The following ARHGAP24 variants were observed in gnomAD, a reference collection of about 807,000 sequenced individuals.
The protein encoded by ARHGAP24 is rho GTPase-activating protein 24.
In ARHGAP24, 50 loss-of-function variants were observed where a neutral mutation model predicts 76.4. The ratio of observed to expected loss-of-function variants is 0.65; its 90% CI spans 0.52 to 0.83. The LOEUF is 0.83. Among genes scored for constraint, ARHGAP24 ranks in the 40% least tolerant of loss-of-function variants. The pLI is 0.00. For synonymous variants in ARHGAP24, 345 were observed against 323.3 expected (o/e 1.07, Z -0.72); for missense variants, 930 against 914.2 (o/e 1.02, Z -0.22).
rs11547776 is a variant in ARHGAP24, at chr4:85,994,770, G to T, written c.1116G>T (p.Arg372Ser). Residue 372 changes from arginine (R) to serine (S), a missense_variant, in exon 9 of 10, where the codon AGG becomes AGT. Coordinates refer to ENST00000395184, the MANE Select transcript of ARHGAP24 (RefSeq NM_001025616.3). ...ATAACACCAAGGACAGCCCTAGTAGGCAGTGCTCCTGGGACAAGTCTGAGT... is the reference window on the plus strand; with the variant it reads ...ATAACACCAAGGACAGCCCTAGTAGTCAGTGCTCCTGGGACAAGTCTGAGT... Reference protein sequence around the residue: ...ENNNTKDSPSRQCSWDKSESP... With the variant: ...ENNNTKDSPSSQCSWDKSESP... 2 of 1,613,872 alleles carry T rather than the reference G, an allele frequency of 1.2e-6. No homozygotes were observed. Among genetic ancestry groups the T allele is most frequent in the South Asian group, 1.1e-5 (1 of 91,070 alleles).
chr4:85,690,974 G>T (rs1316662941), intron 2 of ARHGAP24, among the ~76,000 whole-genome samples: 1 of 152,028 alleles, frequency 6.6e-6, no homozygotes, highest in African/African-American at 2.4e-5. Context: ...TCTTGGTGAA[G>T]GTGTTTGGTG....
At chr4:85,813,508 T>C (rs1729097846) in intron 3 of ARHGAP24, among the ~76,000 whole-genome samples, 1 of 152,174 alleles carries the variant, frequency 6.6e-6, no homozygotes, top group African/African-American at 2.4e-5. Flanking sequence ...GGTGACAGTG[T>C]CCTCAGTTGT....
intron 2 of ARHGAP24, among the ~76,000 whole-genome samples, chr4:85,689,022 G>A (rs1440844330): frequency 1.3e-5 from 2 of 152,052 alleles, no homozygotes; most frequent in East Asian, 3.8e-4. Context: ...GATTGCTTTG[G>A]CTATTTGGGC....
At chr4:85,694,123 G>C (rs1723780760) in intron 2 of ARHGAP24, among the ~76,000 whole-genome samples, 1 of 151,840 alleles carries the variant, frequency 6.6e-6, no homozygotes, top group East Asian at 1.9e-4. Context: ...TCTACTCCTA[G>C]CATTTTCGTT....
At chr4:85,540,627 A>T (rs1011930196) in intron 1 of ARHGAP24, among the ~76,000 whole-genome samples, 1 of 152,120 alleles carries the variant, frequency 6.6e-6, no homozygotes, top group Non-Finnish European at 1.5e-5. Context: ...TGTAACAATC[A>T]CCTTATACAA....
chr4:85,865,323 T>C (rs953288839), intron 3 of ARHGAP24, among the ~76,000 whole-genome samples: 1 of 151,812 alleles, frequency 6.6e-6, no homozygotes, highest in African/African-American at 2.4e-5. Context: ...AATCAATTGT[T>C]CTTGGCTGGC....
intron 3 of ARHGAP24, among the ~76,000 whole-genome samples, chr4:85,912,594 T>C (rs1441317516): frequency 1.3e-5 from 2 of 152,224 alleles, no homozygotes; most frequent in African/African-American, 4.8e-5. Flanking sequence ...CTTTTGTGTA[T>C]ACCCAAACAC....
At chr4:85,818,302 AG>A (rs1208771341) in intron 3 of ARHGAP24, among the ~76,000 whole-genome samples, 2 of 152,204 alleles carry the variant, frequency 1.3e-5, no homozygotes, top group African/African-American at 2.4e-5. Flanking sequence ...GCCCACCTGC[AG>A]GGGGTGAAAT....
intron 3 of ARHGAP24, among the ~76,000 whole-genome samples, chr4:85,777,152 G>A (rs17010863): frequency 0.17 from 26,031 of 152,094 alleles, 3,062 homozygotes; most frequent in East Asian, 0.65. Context: ...CATTAGAAAA[G>A]TGCTATCATA....
intron 1 of ARHGAP24, among the ~76,000 whole-genome samples, chr4:85,548,053 C>T (rs943379117): frequency 2.1e-5 from 3 of 145,706 alleles, no homozygotes; most frequent in African/African-American, 7.3e-5. Flanking sequence ...CCATTATAGC[C>T]GTAAATATTT....
At chr4:85,754,551 G>A (rs1031616518) in intron 3 of ARHGAP24, among the ~76,000 whole-genome samples, 1 of 152,156 alleles carries the variant, frequency 6.6e-6, no homozygotes, top group African/African-American at 2.4e-5. Flanking sequence ...ATAGTCCTCA[G>A]AGAAGAGATA....
chr4:85,803,836 C>T (rs1375826116), intron 3 of ARHGAP24, among the ~76,000 whole-genome samples: 2 of 152,070 alleles, frequency 1.3e-5, no homozygotes, highest in African/African-American at 4.8e-5. Context: ...CCTAATGGTT[C>T]TGAAACATAT....
intron 4 of ARHGAP24, among the ~76,000 whole-genome samples, chr4:85,932,638 G>A (rs939635435): frequency 2.0e-5 from 3 of 152,284 alleles, no homozygotes; most frequent in Non-Finnish European, 2.9e-5. Flanking sequence ...CTCCCGGGGG[G>A]CTATTTTTAA....
chr4:85,899,140 A>G (rs368076347), intron 3 of ARHGAP24, among the ~76,000 whole-genome samples: 2 of 152,248 alleles, frequency 1.3e-5, no homozygotes, highest in Admixed American at 6.5e-5. Flanking sequence ...TTAAAGCACA[A>G]GCTAATGAGT....
intron 1 of ARHGAP24, among the ~76,000 whole-genome samples, chr4:85,501,221 A>G (rs1450686544): frequency 2.0e-5 from 3 of 152,164 alleles, no homozygotes; most frequent in Non-Finnish European, 2.9e-5. Flanking sequence ...ATGATTTATA[A>G]TCCTTTGGGT....
At chr4:85,846,761 A>G (rs1365160876) in intron 3 of ARHGAP24, among the ~76,000 whole-genome samples, 4 of 152,232 alleles carry the variant, frequency 2.6e-5, no homozygotes, top group African/African-American at 9.6e-5. Flanking sequence ...GGGAAAAAGC[A>G]ATAAGGAAAC....
At chr4:85,972,011 T>A (rs776345243) in intron 5 of ARHGAP24, 25 bp from the exon 6 acceptor site, 2 of 1,613,944 alleles carry the variant, frequency 1.2e-6, no homozygotes, top group Non-Finnish European at 1.7e-6. Context: ...CTCCAAAGAA[T>A]ATCTTCACAC....
rs1372089504 is a variant in ARHGAP24, at chr4:85,883,444, C to T, written c.269-40204C>T. Among the ~76,000 whole-genome samples the T allele has an allele frequency of 3.7e-4, 56 of 152,148 alleles. 1 individual carries two copies. Among genetic ancestry groups the T allele is most frequent in the Admixed American group, 3.7e-3 (56 of 15,280 alleles). ...GCTGAAAATGCACTATGATAAGAGA[C>T]TGTTCCAACTAGTAGGAATGCCAGG... On this transcript the variant is annotated intron_variant, in intron 3 of 9. Transcript: ENST00000395184.
chr4:85,724,491 GTATATATATATATATATA>G (rs60930279), intron 3 of ARHGAP24, among the ~76,000 whole-genome samples: 25 of 10,716 alleles, frequency 2.3e-3, no homozygotes, highest in Middle Eastern at 0.11. Context: ...TTCCATGTGT[GTATATATATATATATATA>G]TATATATATA....
Sources: allele counts gnomAD v4.1 joint callset (sites outside exome capture counted in the v4.1 genomes callset), GRCh38; gene constraint gnomAD v4.1.1; transcripts MANE v1.5; gene names NCBI Gene and HGNC (gene_info 2026-07-23, HGNC 2026-07-21).